The following TAS2R1 variants were observed in gnomAD, a reference collection of about 807,000 sequenced individuals.
TAS2R1 encodes taste receptor type 2 member 1.
For missense variants in TAS2R1, 370 were observed against 353.4 expected (o/e 1.05, Z -0.38); for synonymous variants, 141 against 134.2 (o/e 1.05, Z -0.35).
chr5:9,647,906 T>G (rs564688065), intron 2 of TAS2R1, among the ~76,000 whole-genome samples: 182 of 152,282 alleles, frequency 1.2e-3, no homozygotes, highest in African/African-American at 3.9e-3. Flanking sequence ...TTGAATAATG[T>G]TAACAAGCAA....
upstream of TAS2R1, among the ~76,000 whole-genome samples, chr5:9,632,826 C>A (rs1401555761): frequency 6.6e-6 from 1 of 152,040 alleles, no homozygotes; most frequent in Non-Finnish European, 1.5e-5. Context: ...GGTCTTGAAC[C>A]CCTCCAAGTC....
the TAS2R1 span, among the ~76,000 whole-genome samples, chr5:9,786,097 A>G: frequency 6.6e-6 from 1 of 152,220 alleles, no homozygotes; most frequent in South Asian, 2.1e-4. Context: ...CACATACATA[A>G]TCTAGTTTCT....
the TAS2R1 span, among the ~76,000 whole-genome samples, chr5:9,725,080 G>C: frequency 6.6e-6 from 1 of 152,252 alleles, no homozygotes. Context: ...CAGGTGATGA[G>C]GGGGACTCCT....
chr5:9,897,484 T>G, the TAS2R1 span, among the ~76,000 whole-genome samples: 1 of 152,034 alleles, frequency 6.6e-6, no homozygotes, highest in Non-Finnish European at 1.5e-5. Context: ...CAAAAACACC[T>G]AGATTTGCAA....
chr5:9,816,972 A>G, the TAS2R1 span, among the ~76,000 whole-genome samples: 7 of 152,204 alleles, frequency 4.6e-5, no homozygotes, highest in Non-Finnish European at 1.0e-4. Context: ...CAAATTTTCT[A>G]CAATATATAG....
the TAS2R1 span, among the ~76,000 whole-genome samples, chr5:9,782,678 A>T: frequency 6.6e-6 from 1 of 152,364 alleles, no homozygotes; most frequent in Admixed American, 6.5e-5. Context: ...AGAGTCGTGC[A>T]TGCAAGAATT....
chr5:9,890,928 G>A, the TAS2R1 span, among the ~76,000 whole-genome samples: 3 of 152,224 alleles, frequency 2.0e-5, no homozygotes, highest in South Asian at 6.2e-4. Context: ...TGTGGACATC[G>A]TTTTTTGGGG....
At chr5:9,851,930 G>C in the TAS2R1 span, among the ~76,000 whole-genome samples, 32 of 152,292 alleles carry the variant, frequency 2.1e-4, no homozygotes, top group African/African-American at 6.7e-4. Flanking sequence ...TTTCCAGACA[G>C]CTTCAGATAG....
intron 1 of TAS2R1, chr5:9,712,115 A>C (rs182441361): frequency 6.6e-6 from 1 of 152,138 alleles, no homozygotes; most frequent in Non-Finnish European, 1.5e-5. Context: ...ATCTTTTAAC[A>C]TGTAAACAAA....
intron 1 of TAS2R1, among the ~76,000 whole-genome samples, chr5:9,707,169 G>A (rs1439400240): frequency 6.6e-6 from 1 of 152,176 alleles, no homozygotes; most frequent in African/African-American, 2.4e-5. Context: ...ACAGGAGATG[G>A]ATTTTTCTGA....
the TAS2R1 span, among the ~76,000 whole-genome samples, chr5:9,851,146 GGTAAGA>G: frequency 1.2e-4 from 18 of 152,254 alleles, no homozygotes; most frequent in Middle Eastern, 3.4e-3. Flanking sequence ...TCCACACACA[GGTAAGA>G]GTAAAAGTTT....
the TAS2R1 span, among the ~76,000 whole-genome samples, chr5:9,894,499 G>A: frequency 9.2e-5 from 14 of 152,182 alleles, no homozygotes; most frequent in Admixed American, 6.5e-4. Context: ...AGGACATGGC[G>A]AGAGGCCAGC....
chr5:9,806,684 T>C, the TAS2R1 span, among the ~76,000 whole-genome samples: 4 of 151,986 alleles, frequency 2.6e-5, no homozygotes, highest in Non-Finnish European at 5.9e-5. Context: ...GCTGGGACAA[T>C]TGGCAAGCCA....
chr5:9,679,584 A>G (rs1740955204), intron 1 of TAS2R1, among the ~76,000 whole-genome samples: 1 of 152,208 alleles, frequency 6.6e-6, no homozygotes, highest in Non-Finnish European at 1.5e-5. Flanking sequence ...AGGGCTACCA[A>G]TGCTGATACT....
the TAS2R1 span, among the ~76,000 whole-genome samples, chr5:9,843,495 A>G: frequency 6.6e-6 from 1 of 152,210 alleles, no homozygotes; most frequent in African/African-American, 2.4e-5. Context: ...TCTGTTCTCT[A>G]TAAGCAACTA....
chr5:9,659,242 TC>T (rs1740479837), intron 2 of TAS2R1, among the ~76,000 whole-genome samples: 4 of 151,892 alleles, frequency 2.6e-5, no homozygotes, highest in Admixed American at 2.6e-4. Flanking sequence ...CATGAACTAC[TC>T]CCCCATGGGA....
the TAS2R1 span, among the ~76,000 whole-genome samples, chr5:9,733,102 C>T: frequency 6.6e-6 from 1 of 152,196 alleles, no homozygotes; most frequent in Non-Finnish European, 1.5e-5. Context: ...GGGTACTATA[C>T]CTTGGATACA....
chr5:9,788,324 G>T, the TAS2R1 span, among the ~76,000 whole-genome samples: 1 of 152,190 alleles, frequency 6.6e-6, no homozygotes, highest in African/African-American at 2.4e-5. Context: ...CCGATAAGCA[G>T]CTTAAGGATG....
the TAS2R1 span, among the ~76,000 whole-genome samples, chr5:9,826,760 A>T: frequency 6.6e-6 from 1 of 152,196 alleles, no homozygotes; most frequent in Non-Finnish European, 1.5e-5. Flanking sequence ...TTTTAGCCCC[A>T]GTCTTGTTTG....
Sources: gnomAD v4.1 joint callset for allele counts (sites outside exome capture counted in the v4.1 genomes callset) on GRCh38, gnomAD v4.1.1 for gene constraint, MANE v1.5 for transcripts, NCBI Gene and HGNC (gene_info 2026-07-23, HGNC 2026-07-21) for gene names.